COL14A1: variants seen among roughly 807,000 people sequenced by gnomAD.
The protein encoded by COL14A1 is collagen type XIV alpha 1 chain, also known as collagen alpha-1(XIV) chain.
COL14A1 carries 136 observed loss-of-function variants against 230.3 expected under a neutral mutation model. The ratio of observed to expected loss-of-function variants is 0.59; its 90% confidence interval spans 0.51 to 0.68. The LOEUF (loss-of-function observed/expected upper bound fraction) is 0.68, where lower values mean the gene tolerates loss of function less well. Ranked by LOEUF, COL14A1 falls within the 30% of genes least tolerant of loss-of-function variation. The pLI is 0.00. For synonymous variants in COL14A1, 792 were observed against 784.1 expected (o/e 1.01, Z -0.17); for missense variants, 1,976 against 2,215.8 (o/e 0.89, Z 2.17).
In COL14A1 at chr8:120,371,893, T is replaced by A. The variant is rs1038994983; in HGVS notation, c.*662T>A. ...TTCCACCAGCTCTGATGCAAAGAGA[T>A]ATAATTTTAATGAACGATTTATCCA... is the stretch of plus-strand genomic sequence containing the variant. On this transcript the variant is annotated 3_prime_UTR_variant, in exon 48 of 48. Transcript: ENST00000297848. 10 of 354,880 alleles carry A rather than the reference T, an allele frequency of 2.8e-5. No individual in the cohort carries two copies. The highest frequency in any genetic ancestry group is 1.9e-4 in the African/African-American group (9 of 48,026). The allele number at this position is 354,880 out of a possible 1,614,324, so 22.0% of individuals were successfully genotyped here.
rs952350079 is a variant in COL14A1, at chr8:120,341,202, A to T, written c.4786-123A>T. The T allele has an allele frequency of 4.3e-6, 4 of 923,656 alleles. No homozygotes were observed. The African/African-American group carries it at 4.9e-5, about 11-fold the overall frequency. The allele number at this position is 923,656 out of a possible 1,614,324, so 57.2% of individuals were successfully genotyped here. Reference sequence around the variant, plus strand: ...GTTTATTTTCTGTTGTTGTGTAATGATTTTTGCTGCAGAATTACTGGTGCT... The same window carrying T: ...GTTTATTTTCTGTTGTTGTGTAATGTTTTTTGCTGCAGAATTACTGGTGCT... On this transcript the variant is annotated intron_variant, in intron 42 of 47. Transcript: ENST00000297848.
chr8:120,237,003 G>A (rs79043846), intron 19 of COL14A1, among the ~76,000 whole-genome samples: 14,070 of 152,200 alleles, frequency 0.092, 1,268 homozygotes, highest in East Asian at 0.4. Flanking sequence ...AGACCGATGG[G>A]CTTCCCTTTG....
intron 5 of COL14A1, among the ~76,000 whole-genome samples, chr8:120,192,913 T>G (rs977183580): frequency 6.6e-6 from 1 of 152,200 alleles, no homozygotes; most frequent in Admixed American, 6.5e-5. Context: ...CTTTAAGCAC[T>G]TCTCTGTATT....
chr8:120,332,060 C>A, intron 40 of COL14A1, 81 bp from the exon 41 acceptor site: 1 of 1,211,444 alleles, frequency 8.3e-7, no homozygotes, highest in Non-Finnish European at 1.2e-6. Context: ...GACCCCCAAA[C>A]ATGAAAAGGA....
chr8:120,297,135 G>A (rs926431088), intron 34 of COL14A1, among the ~76,000 whole-genome samples: 8 of 151,962 alleles, frequency 5.3e-5, no homozygotes, highest in Non-Finnish European at 1.2e-4. Flanking sequence ...AAATAATTGT[G>A]TAGTGGGAGG....
At chr8:120,282,485 A>C (rs1380387712) in intron 31 of COL14A1, among the ~76,000 whole-genome samples, 1 of 152,296 alleles carries the variant, frequency 6.6e-6, no homozygotes, top group East Asian at 1.9e-4. Context: ...ATGTATCTTA[A>C]ATGTCTGTTA....
chr8:120,290,518 A>G (rs908212949), intron 34 of COL14A1, among the ~76,000 whole-genome samples: 2 of 152,148 alleles, frequency 1.3e-5, no homozygotes, highest in Non-Finnish European at 2.9e-5. Flanking sequence ...AACAATCCCA[A>G]CTGTTCTAAT....
intron 1 of COL14A1, among the ~76,000 whole-genome samples, chr8:120,128,498 A>G (rs1814428545): frequency 1.3e-5 from 2 of 152,196 alleles, no homozygotes; most frequent in South Asian, 4.2e-4. Context: ...CTGTAATCCC[A>G]GCATTTTGGG....
At chr8:120,155,457 T>C (rs1815440997) in intron 2 of COL14A1, among the ~76,000 whole-genome samples, 1 of 152,298 alleles carries the variant, frequency 6.6e-6, no homozygotes, top group Non-Finnish European at 1.5e-5. Context: ...TAAACTCAGA[T>C]GACATTTAAA....
intron 5 of COL14A1, among the ~76,000 whole-genome samples, chr8:120,174,967 G>A (rs1375641959): frequency 1.3e-5 from 2 of 152,092 alleles, no homozygotes; most frequent in East Asian, 1.9e-4. Flanking sequence ...CCTCCAAGTC[G>A]TGGTACTCTC....
At chr8:120,264,619 A>G (rs1392525808) in intron 24 of COL14A1, among the ~76,000 whole-genome samples, 1 of 152,192 alleles carries the variant, frequency 6.6e-6, no homozygotes, top group Non-Finnish European at 1.5e-5. Flanking sequence ...TAAAGGTCAT[A>G]AACTAAAGGC....
At chr8:120,215,413 T>TAGGA (rs949541892) in intron 13 of COL14A1, among the ~76,000 whole-genome samples, 2 of 143,996 alleles carry the variant, frequency 1.4e-5, no homozygotes, top group African/African-American at 5.2e-5. Context: ...GGAAGGAAGG[T>TAGGA]AGGAAGGAAG....
chr8:120,317,083 T>C (rs911750203), intron 40 of COL14A1, among the ~76,000 whole-genome samples: 1 of 152,212 alleles, frequency 6.6e-6, no homozygotes, highest in Admixed American at 6.5e-5. Context: ...GATTTAGACA[T>C]GTGAGCAGCT....
intron 16 of COL14A1, 139 bp from the exon 17 acceptor site, chr8:120,227,081 C>A: frequency 1.1e-6 from 1 of 895,590 alleles, no homozygotes; most frequent in Non-Finnish European, 1.6e-6. Flanking sequence ...AATAAAGTCT[C>A]TGGCTTGACC....
At chr8:120,188,255 G>A (rs1053204257) in intron 5 of COL14A1, among the ~76,000 whole-genome samples, 9 of 151,932 alleles carry the variant, frequency 5.9e-5, no homozygotes, top group Admixed American at 1.3e-4. Context: ...GCTAATTTTC[G>A]TATTTTTGTA....
At chr8:120,164,680 A>G (rs1815805058) in intron 4 of COL14A1, among the ~76,000 whole-genome samples, 1 of 152,294 alleles carries the variant, frequency 6.6e-6, no homozygotes, top group African/African-American at 2.4e-5. Flanking sequence ...TTTGAGATTC[A>G]CTTTGTCTGG....
chr8:120,234,673 G>A (rs1355035485), intron 19 of COL14A1, among the ~76,000 whole-genome samples: 4 of 152,036 alleles, frequency 2.6e-5, no homozygotes, highest in Non-Finnish European at 4.4e-5. Flanking sequence ...CGCCTTGATT[G>A]TGGTGGATAA....
chr8:120,289,789 C>T, intron 34 of COL14A1, 23 bp downstream of exon 34: 3 of 1,601,834 alleles, frequency 1.9e-6, no homozygotes, highest in East Asian at 2.2e-5. Context: ...ACCCGTGAAG[C>T]TGTGTTATTG....
intron 4 of COL14A1, among the ~76,000 whole-genome samples, chr8:120,164,590 C>T (rs1051937575): frequency 6.6e-6 from 1 of 152,148 alleles, no homozygotes; most frequent in Non-Finnish European, 1.5e-5. Flanking sequence ...GGTTAAGTTA[C>T]CTCTTGAAAC....
Sources: gnomAD v4.1 joint callset for allele counts (sites outside exome capture counted in the v4.1 genomes callset) on GRCh38, gnomAD v4.1.1 for gene constraint, MANE v1.5 for transcripts, NCBI Gene and HGNC (gene_info 2026-07-23, HGNC 2026-07-21) for gene names.